Variants in LUZP2 observed in about 807,000 individuals in gnomAD.
LUZP2 encodes the protein leucine zipper protein 2.
Under a neutral mutation model 51.6 loss-of-function variants are expected in LUZP2, and 52 were observed. That is an observed-to-expected ratio of 1.01 (90% CI 0.81 to 1.27). LUZP2 has a LOEUF of 1.27. LUZP2 is among the 50% of genes most tolerant of loss of function. LUZP2 has a pLI of 0.00. For synonymous variants in LUZP2, 154 were observed against 137.3 expected (o/e 1.12, Z -0.85); for missense variants, 436 against 395.4 (o/e 1.10, Z -0.87).
chr11:24,839,230 C>T (rs1410517682), intron 5 of LUZP2, among the ~76,000 whole-genome samples: 5 of 151,508 alleles, frequency 3.3e-5, no homozygotes, highest in African/African-American at 1.2e-4. Flanking sequence ...TCCAGGAACC[C>T]CATATGTGTA....
rs879073940 is a variant in LUZP2 at position 25,081,347 on chromosome 11, T to C, written c.*2689T>C. 3 of 152,064 alleles carry C rather than the reference T, an allele frequency of 2.0e-5. No individual in the cohort carries two copies. In the South Asian group the frequency reaches 6.2e-4, roughly 31 times the overall value. The allele number at this position is 152,064 out of a possible 1,614,324, so 9.4% of individuals were successfully genotyped here. Reference sequence around the variant, plus strand: ...CCACCGTGCCTGGCCAGTGTGTTTTTTTCCTTTAAATATATATGGCATTAT... The same window carrying C: ...CCACCGTGCCTGGCCAGTGTGTTTTCTTCCTTTAAATATATATGGCATTAT... On this transcript the variant is annotated 3_prime_UTR_variant, in exon 12 of 12. Coordinates refer to ENST00000336930, the MANE Select transcript of LUZP2 (RefSeq NM_001009909.4).
chr11:24,503,998 C>T (rs1466812050), intron 1 of LUZP2, among the ~76,000 whole-genome samples: 1 of 152,052 alleles, frequency 6.6e-6, no homozygotes, highest in Non-Finnish European at 1.5e-5. Context: ...AATGAGCTGG[C>T]CTAAATAAGA....
chr11:24,717,978 G>A (rs913952242), intron 1 of LUZP2, among the ~76,000 whole-genome samples: 1 of 152,000 alleles, frequency 6.6e-6, no homozygotes, highest in Non-Finnish European at 1.5e-5. Context: ...CCACACTTTC[G>A]TTATCCAATC....
intron 3 of LUZP2, among the ~76,000 whole-genome samples, chr11:24,737,968 T>A (rs1859003811): frequency 1.3e-5 from 2 of 151,958 alleles, no homozygotes; most frequent in African/African-American, 4.8e-5. Flanking sequence ...GATTCAAACG[T>A]GGGATTTTTA....
intron 5 of LUZP2, among the ~76,000 whole-genome samples, chr11:24,820,697 A>G (rs906056115): frequency 1.2e-4 from 19 of 152,160 alleles, no homozygotes; most frequent in African/African-American, 3.9e-4. Context: ...AAATGGGGGC[A>G]AATATGATTC....
intron 1 of LUZP2, among the ~76,000 whole-genome samples, chr11:24,635,116 G>T (rs970955717): frequency 4.6e-5 from 7 of 151,902 alleles, no homozygotes; most frequent in Non-Finnish European, 1.0e-4. Context: ...TACACTAAAA[G>T]TCCAGATTTC....
intron 1 of LUZP2, among the ~76,000 whole-genome samples, chr11:24,723,761 T>C (rs1399077606): frequency 6.6e-6 from 1 of 151,952 alleles, no homozygotes; most frequent in African/African-American, 2.4e-5. Flanking sequence ...TGATCAGGAG[T>C]TCGAGGCTGC....
At chr11:24,714,670 T>G (rs1857969257) in intron 1 of LUZP2, among the ~76,000 whole-genome samples, 1 of 152,166 alleles carries the variant, frequency 6.6e-6, no homozygotes, top group Non-Finnish European at 1.5e-5. Flanking sequence ...ATCTAAAATA[T>G]TTGCAGCAGA....
At chr11:24,601,667 A>G (rs1241346159) in intron 1 of LUZP2, among the ~76,000 whole-genome samples, 3 of 151,528 alleles carry the variant, frequency 2.0e-5, no homozygotes. Context: ...TAAATTTTAA[A>G]TTGTTTCAAT....
chr11:25,060,779 T>G (rs1366893359), intron 10 of LUZP2, among the ~76,000 whole-genome samples: 1 of 152,136 alleles, frequency 6.6e-6, no homozygotes, highest in East Asian at 1.9e-4. Flanking sequence ...TCCATTAATC[T>G]TTTATCTTCT....
intron 9 of LUZP2, among the ~76,000 whole-genome samples, chr11:25,033,314 C>T (rs1857750725): frequency 6.6e-6 from 1 of 152,064 alleles, no homozygotes; most frequent in South Asian, 2.1e-4. Context: ...GCTAGGTGCC[C>T]GGTATGCTAA....
chr11:24,498,362 CTT>C (rs1452097389), intron 1 of LUZP2, among the ~76,000 whole-genome samples: 1 of 152,188 alleles, frequency 6.6e-6, no homozygotes, highest in Admixed American at 6.5e-5. Flanking sequence ...ATGAAGAAAA[CTT>C]ACTCTGTCTT....
intron 5 of LUZP2, among the ~76,000 whole-genome samples, chr11:24,814,950 C>T (rs1366083217): frequency 6.8e-6 from 1 of 146,832 alleles, no homozygotes. Context: ...TGAGATCGCA[C>T]CAATGCACTC....
intron 10 of LUZP2, among the ~76,000 whole-genome samples, chr11:25,076,748 T>TA (rs1859317414): frequency 7.3e-5 from 5 of 68,436 alleles, no homozygotes; most frequent in East Asian, 1.6e-3. Flanking sequence ...TTTTTTTTTT[T>TA]AATTTATTTT....
intron 5 of LUZP2, among the ~76,000 whole-genome samples, chr11:24,799,419 A>T (rs959276095): frequency 6.6e-6 from 1 of 151,934 alleles, no homozygotes; most frequent in Non-Finnish European, 1.5e-5. Context: ...AACATGGTGA[A>T]ACCCCGTCCC....
chr11:24,883,572 A>G (rs1169839574), intron 5 of LUZP2, among the ~76,000 whole-genome samples: 1 of 152,058 alleles, frequency 6.6e-6, no homozygotes, highest in Non-Finnish European at 1.5e-5. Flanking sequence ...AATTTTCGTT[A>G]GCAATAATTT....
intron 1 of LUZP2, among the ~76,000 whole-genome samples, chr11:24,566,612 A>G (rs961770752): frequency 1.5e-4 from 15 of 100,386 alleles, no homozygotes; most frequent in Admixed American, 4.5e-4. Context: ...ATATGTATGT[A>G]TGTATAGATA....
At chr11:24,866,978 T>G in intron 5 of LUZP2, among the ~76,000 whole-genome samples, 1 of 152,018 alleles carries the variant, frequency 6.6e-6, no homozygotes, top group East Asian at 1.9e-4. Flanking sequence ...TCCATTCCAG[T>G]CTTAAAAGCT....
chr11:24,997,506 G>C (rs1237881522), intron 9 of LUZP2, among the ~76,000 whole-genome samples: 1 of 152,044 alleles, frequency 6.6e-6, no homozygotes, highest in Non-Finnish European at 1.5e-5. Flanking sequence ...TTCATTGTAG[G>C]TTCTAGATAT....
Sources: gnomAD v4.1 joint callset for allele counts (sites outside exome capture counted in the v4.1 genomes callset) on GRCh38, gnomAD v4.1.1 for gene constraint, MANE v1.5 for transcripts, NCBI Gene and HGNC (gene_info 2026-07-23, HGNC 2026-07-21) for gene names.